Variants in SMC3 observed in about 807,000 individuals in gnomAD.
SMC3 encodes the protein structural maintenance of chromosomes protein 3.
Under a neutral mutation model 171.8 loss-of-function variants are expected in SMC3, and 20 were observed. The ratio of observed to expected loss-of-function variants is 0.12; its 90% CI spans 0.08 to 0.17. The LOEUF (loss-of-function observed/expected upper bound fraction) is 0.17, where lower values mean the gene tolerates loss of function less well. SMC3 is among the 10% of genes least tolerant of loss of function. The pLI is 1.00. For synonymous variants in SMC3, 464 were observed against 451.1 expected (o/e 1.03, Z -0.36); for missense variants, 543 against 1,420.4 (o/e 0.38, Z 9.93).
chr10:110,588,091 A>G (rs1478907625), intron 13 of SMC3, among the ~76,000 whole-genome samples: 1 of 152,170 alleles, frequency 6.6e-6, no homozygotes, highest in Non-Finnish European at 1.5e-5. Flanking sequence ...CCTGGGTTCA[A>G]GTGATTCTCC....
In SMC3 at chr10:110,582,542, T is replaced by A; in HGVS notation, c.724-20T>A. ...TAATTACAAAATGAGTTAGATATGA[T>A]AAGTTGTTTTTTTTCTTAGCTTTCT... On this transcript the variant is annotated intron_variant, in intron 9 of 28. Coordinates refer to ENST00000361804, the MANE Select transcript of SMC3 (RefSeq NM_005445.4). 6.4e-7 allele frequency: 1 copy of A among 1,573,326 alleles called. No homozygotes were observed. The highest frequency in any genetic ancestry group is 8.7e-7 in the Non-Finnish European group (1 of 1,146,258).
At chr10:110,594,727 T>C (rs1429653321) in intron 18 of SMC3, among the ~76,000 whole-genome samples, 1 of 152,126 alleles carries the variant, frequency 6.6e-6, no homozygotes, top group Non-Finnish European at 1.5e-5. Context: ...CAAGCTTTGT[T>C]TCTGTATATG....
intron 21 of SMC3, among the ~76,000 whole-genome samples, chr10:110,600,186 T>G (rs1344458523): frequency 6.6e-6 from 1 of 152,218 alleles, no homozygotes; most frequent in Non-Finnish European, 1.5e-5. Flanking sequence ...CCAACACCGA[T>G]TCTAAAAAAT....
chr10:110,577,775 A>G, intron 5 of SMC3, 60 bp from the exon 6 acceptor site: 1 of 1,153,594 alleles, frequency 8.7e-7, no homozygotes, highest in East Asian at 2.4e-5. Flanking sequence ...AAATGACCTT[A>G]TTTAAAAAGT....
In SMC3 at chr10:110,589,724, A is replaced by C; in HGVS notation, c.1409+16A>C. 6.7e-7 allele frequency: 1 copy of C among 1,486,008 alleles called. No homozygotes were observed. The allele number at this position is 1,486,008 out of a possible 1,614,324, so 92.1% of individuals were successfully genotyped here. A position where few individuals can be genotyped will look rare whatever the true frequency, so the allele number is the denominator to read the frequency against. On this transcript the variant is annotated intron_variant, in intron 14 of 28. Coordinates refer to ENST00000361804, the MANE Select transcript of SMC3 (RefSeq NM_005445.4). ...GTGAAAGAAAGTTAGTATAGACTAA[A>C]ATGTGCATTAATGTTTTCAGTAATG...
intron 17 of SMC3, 73 bp downstream of exon 17, chr10:110,591,205 A>G: frequency 1.4e-6 from 2 of 1,411,108 alleles, no homozygotes; most frequent in African/African-American, 2.8e-5. Context: ...AACACATGCT[A>G]GTGCCCAGGC....
intron 4 of SMC3, 55 bp downstream of exon 4, chr10:110,575,458 T>C: frequency 7.9e-7 from 1 of 1,262,372 alleles, no homozygotes; most frequent in Middle Eastern, 2.3e-4. Flanking sequence ...TAAAAATAAA[T>C]TTTCCATGCT....
At chr10:110,591,932 G>A (rs964190353) in intron 17 of SMC3, among the ~76,000 whole-genome samples, 2 of 152,110 alleles carry the variant, frequency 1.3e-5, no homozygotes, top group Non-Finnish European at 2.9e-5. Context: ...ACACAAAGGA[G>A]TACATGGAGC....
intron 3 of SMC3, among the ~76,000 whole-genome samples, chr10:110,574,591 A>G (rs1056760366): frequency 1.3e-5 from 2 of 152,202 alleles, no homozygotes; most frequent in African/African-American, 4.8e-5. Flanking sequence ...GTATTTCAGA[A>G]TCTCCAGGGC....
At chr10:110,598,431 GTC>G (rs1861333676) in intron 20 of SMC3, 141 bp downstream of exon 20, 1 of 808,242 alleles carries the variant, frequency 1.2e-6, no homozygotes, top group Middle Eastern at 3.6e-4. Context: ...TGAAGACAGA[GTC>G]TCTTTCTGTC....
intron 4 of SMC3, among the ~76,000 whole-genome samples, chr10:110,576,819 G>C (rs1051998060): frequency 3.9e-5 from 6 of 152,100 alleles, no homozygotes; most frequent in African/African-American, 1.4e-4. Flanking sequence ...TCTGGACTTG[G>C]TACCATAGTT....
intron 18 of SMC3, among the ~76,000 whole-genome samples, chr10:110,594,491 T>C (rs1861264056): frequency 6.6e-6 from 1 of 152,154 alleles, no homozygotes; most frequent in East Asian, 1.9e-4. Context: ...CTAATACTAC[T>C]ACTGTGGTTC....
chr10:110,574,337 G>A (rs1860915906), intron 3 of SMC3, among the ~76,000 whole-genome samples: 1 of 152,172 alleles, frequency 6.6e-6, no homozygotes, highest in East Asian at 1.9e-4. Flanking sequence ...ATAGCAATGC[G>A]TCTGTTAACA....
intron 19 of SMC3, among the ~76,000 whole-genome samples, chr10:110,597,528 G>A (rs968574041): frequency 6.6e-6 from 1 of 152,214 alleles, no homozygotes; most frequent in African/African-American, 2.4e-5. Flanking sequence ...TATAACTTCT[G>A]TGCCATCAGT....
intron 5 of SMC3, 65 bp from the exon 6 acceptor site, chr10:110,577,770 A>G (rs1590552193): frequency 9.4e-7 from 1 of 1,067,240 alleles, no homozygotes; most frequent in East Asian, 2.4e-5. Context: ...CTTTAAAATG[A>G]CCTTATTTAA....
At chr10:110,582,435 A>T in intron 9 of SMC3, 127 bp from the exon 10 acceptor site, 2 of 738,938 alleles carry the variant, frequency 2.7e-6, no homozygotes, top group South Asian at 1.8e-5. Flanking sequence ...AATCATTTTT[A>T]AAATTTTTGT....
chr10:110,591,279 C>CT (rs1242569486), intron 17 of SMC3, 147 bp downstream of exon 17: 93 of 825,572 alleles, frequency 1.1e-4, no homozygotes, highest in Non-Finnish European at 1.1e-5. Context: ...GACCTTAGTG[C>CT]TGAGTGGGTT....
intron 18 of SMC3, 22 bp downstream of exon 18, chr10:110,593,245 C>T (rs763088846): frequency 3.1e-6 from 5 of 1,607,388 alleles, no homozygotes; most frequent in Non-Finnish European, 4.3e-6. Flanking sequence ...TAATTCTTAG[C>T]TTTAAACAGA....
In SMC3 at chr10:110,604,729, T is replaced by G. The variant is rs1212789364; in HGVS notation, c.*427T>G. 4.0e-5 allele frequency: 7 copies of G among 175,308 alleles called. No individual in the cohort carries two copies. Among genetic ancestry groups the G allele is most frequent in the Admixed American group, 3.4e-4 (6 of 17,466 alleles). 10.9% of individuals were successfully genotyped at this position (175,308 alleles called of 1,614,324 possible). A position where few individuals can be genotyped will look rare whatever the true frequency, so the allele number is the denominator to read the frequency against. ...AAGGCCTCATTTTAACTTAATCACC[T>G]CTTTAAAAGACCTGTCTCCAAATAC... On this transcript the variant is annotated 3_prime_UTR_variant, in exon 29 of 29. Coordinates refer to ENST00000361804, the MANE Select transcript of SMC3 (RefSeq NM_005445.4).
Sources: gnomAD v4.1 joint callset for allele counts (sites outside exome capture counted in the v4.1 genomes callset) on GRCh38, gnomAD v4.1.1 for gene constraint, MANE v1.5 for transcripts, NCBI Gene and HGNC (gene_info 2026-07-23, HGNC 2026-07-21) for gene names.